Variants in MARCHF1 observed in about 807,000 individuals in gnomAD.
MARCHF1 encodes E3 ubiquitin-protein ligase MARCHF1.
A neutral mutation model predicts 54.2 loss-of-function variants in MARCHF1; 40 were observed. That is an observed-to-expected ratio of 0.74 (90% CI 0.57 to 0.96). MARCHF1 has a LOEUF of 0.96. Ranked by LOEUF, MARCHF1 falls within the 40% of genes least tolerant of loss-of-function variation. MARCHF1 has a pLI of 0.00. For synonymous variants in MARCHF1, 236 were observed against 236.3 expected, an observed-to-expected ratio of 1.00 and a Z score of 0.01; for missense variants, 586 against 656.5, an observed-to-expected ratio of 0.89 and a Z score of 1.17.
chr4:164,304,583 T>C (rs569258087), intron 1 of MARCHF1, among the ~76,000 whole-genome samples: 3 of 152,342 alleles, frequency 2.0e-5, no homozygotes, highest in Non-Finnish European at 2.9e-5. Context: ...AGCCCGAATT[T>C]CAAGTGTTGA....
rs574071500 is a variant in MARCHF1 at position 163,866,601 on chromosome 4, G to C, written c.-38-12432C>G. 2.2e-3 allele frequency among the ~76,000 whole-genome samples: 326 copies of C among 150,858 alleles called. 1 individual carries two copies. The highest frequency in any genetic ancestry group is 7.7e-3 in the African/African-American group (319 of 41,316). ...ACATGTCTAGGTAACCGTTTACCCA[G>C]AGGTAGTCAAACTAAAAGTTAAGGG... is the stretch of plus-strand genomic sequence containing the variant. On this transcript the variant is annotated intron_variant, in intron 3 of 9. Transcript: ENST00000514618.
At chr4:164,206,376 G>T (rs1259532932) in intron 1 of MARCHF1, among the ~76,000 whole-genome samples, 1 of 152,304 alleles carries the variant, frequency 6.6e-6, no homozygotes, top group East Asian at 1.9e-4. Context: ...GGTGGAGGTT[G>T]CAGTGAGCCA....
chr4:163,591,343 A>T (rs1560960605), intron 7 of MARCHF1, among the ~76,000 whole-genome samples: 1 of 151,972 alleles, frequency 6.6e-6, no homozygotes, highest in Middle Eastern at 3.2e-3. Flanking sequence ...TCAGACTCAC[A>T]TCCCTAATTA....
intron 5 of MARCHF1, among the ~76,000 whole-genome samples, chr4:163,633,456 C>G (rs1018732510): frequency 3.9e-5 from 6 of 152,256 alleles, no homozygotes; most frequent in African/African-American, 1.4e-4. Context: ...AATGCAGAAG[C>G]CTCAGGAGCC....
intron 8 of MARCHF1, among the ~76,000 whole-genome samples, chr4:163,576,517 G>A (rs1740042456): frequency 6.6e-6 from 1 of 152,034 alleles, no homozygotes; most frequent in Admixed American, 6.6e-5. Flanking sequence ...TGTGTATTCT[G>A]TGGTTGATGA....
intron 5 of MARCHF1, among the ~76,000 whole-genome samples, chr4:163,638,883 A>T (rs1742450126): frequency 6.6e-6 from 1 of 152,258 alleles, no homozygotes; most frequent in African/African-American, 2.4e-5. Context: ...GTTACATGCA[A>T]CAACATTGTT....
At chr4:163,779,241 T>C (rs560062474) in intron 4 of MARCHF1, among the ~76,000 whole-genome samples, 3 of 152,344 alleles carry the variant, frequency 2.0e-5, no homozygotes, top group African/African-American at 7.2e-5. Flanking sequence ...CTAATTTGAA[T>C]GATATTTTAG....
At chr4:164,268,937 T>C (rs1733676590) in intron 1 of MARCHF1, among the ~76,000 whole-genome samples, 2 of 152,112 alleles carry the variant, frequency 1.3e-5, no homozygotes, top group Non-Finnish European at 2.9e-5. Context: ...GTAGCAAAGG[T>C]CAGAATTCTG....
intron 4 of MARCHF1, among the ~76,000 whole-genome samples, chr4:163,845,639 G>A (rs1749464638): frequency 1.3e-5 from 2 of 152,088 alleles, no homozygotes; most frequent in South Asian, 4.1e-4. Flanking sequence ...AACATCTTTC[G>A]GAGGAACTCA....
intron 9 of MARCHF1, among the ~76,000 whole-genome samples, chr4:163,531,491 A>C (rs895993987): frequency 1.3e-5 from 2 of 151,876 alleles, no homozygotes; most frequent in Non-Finnish European, 2.9e-5. Flanking sequence ...CCTATAGCTG[A>C]CATAATGGTA....
chr4:163,952,160 C>A (rs1489593487), intron 3 of MARCHF1, among the ~76,000 whole-genome samples: 1 of 152,106 alleles, frequency 6.6e-6, no homozygotes, highest in Non-Finnish European at 1.5e-5. Context: ...TGCAAATATA[C>A]AGACATATTT....
At chr4:164,229,788 G>T in intron 1 of MARCHF1, among the ~76,000 whole-genome samples, 1 of 152,194 alleles carries the variant, frequency 6.6e-6, no homozygotes, top group African/African-American at 2.4e-5. Context: ...GAGAACAAGA[G>T]GGTAGGTGCT....
chr4:164,026,646 AG>A, intron 2 of MARCHF1, among the ~76,000 whole-genome samples: 1 of 152,144 alleles, frequency 6.6e-6, no homozygotes, highest in Non-Finnish European at 1.5e-5. Context: ...AGTGGGCAAA[AG>A]CTGGAACCAT....
At chr4:164,331,357 T>A (rs1430314804) in intron 1 of MARCHF1, among the ~76,000 whole-genome samples, 1 of 152,196 alleles carries the variant, frequency 6.6e-6, no homozygotes, top group Non-Finnish European at 1.5e-5. Context: ...AGTTAAAGTA[T>A]TCTTTCAAAT....
intron 8 of MARCHF1, among the ~76,000 whole-genome samples, chr4:163,547,951 T>A (rs1241282635): frequency 6.6e-6 from 1 of 152,194 alleles, no homozygotes; most frequent in Non-Finnish European, 1.5e-5. Context: ...ATTCCAAGCA[T>A]AACAAAGGGT....
intron 4 of MARCHF1, among the ~76,000 whole-genome samples, chr4:163,753,799 G>A (rs1746591272): frequency 6.6e-6 from 1 of 152,042 alleles, no homozygotes; most frequent in Admixed American, 6.6e-5. Context: ...TGTTAGGATG[G>A]GTGTTTGCTG....
At chr4:164,124,584 A>G (rs1163683456) in intron 1 of MARCHF1, among the ~76,000 whole-genome samples, 1 of 151,178 alleles carries the variant, frequency 6.6e-6, no homozygotes, top group African/African-American at 2.4e-5. Context: ...ACAACGGAGT[A>G]CTATTCTGCC....
intron 1 of MARCHF1, among the ~76,000 whole-genome samples, chr4:164,240,610 C>T (rs1331156866): frequency 6.6e-5 from 10 of 152,044 alleles, no homozygotes; most frequent in Non-Finnish European, 1.5e-5. Flanking sequence ...TTAGGTCCCA[C>T]CAACTGAAAC....
In MARCHF1 at chr4:163,708,290, G is replaced by A. The variant is rs539764400; in HGVS notation, c.112-7427C>T. Among the ~76,000 whole-genome samples the A allele has an allele frequency of 5.9e-5, 9 of 152,132 alleles. 1 individual carries two copies. The South Asian group carries it at 1.9e-3, about 32-fold the overall frequency. On this transcript the variant is annotated intron_variant, in intron 4 of 9. Transcript: ENST00000514618. ...TCCCCTGTTCACTCAGACCTCGGGA[G>A]GATGGCTGCTTCCTACAATTCCTGC...
Sources: gnomAD v4.1 joint callset for allele counts (sites outside exome capture counted in the v4.1 genomes callset) on GRCh38, gnomAD v4.1.1 for gene constraint, MANE v1.5 for transcripts, NCBI Gene and HGNC (gene_info 2026-07-23, HGNC 2026-07-21) for gene names.